CTNNA2: variants seen among roughly 807,000 people sequenced by gnomAD.
CTNNA2 encodes catenin alpha 2.
CTNNA2 carries 42 observed loss-of-function variants against 101.0 expected under a neutral mutation model. The ratio of observed to expected loss-of-function variants is 0.42; its 90% CI spans 0.32 to 0.54. The LOEUF is 0.54. Ranked by LOEUF, CTNNA2 falls within the 20% of genes least tolerant of loss-of-function variation. The pLI is 0.14. For synonymous variants in CTNNA2, 450 were observed against 456.4 expected (o/e 0.99, Z 0.18); for missense variants, 871 against 1,223.1 (o/e 0.71, Z 4.29).
rs954060382 is a variant in CTNNA2, at chr2:80,209,278, T to C, written c.1057-183933T>C. On this transcript the variant is annotated intron_variant, in intron 7 of 18. Coordinates refer to ENST00000402739, the MANE Select transcript of CTNNA2 (RefSeq NM_001282597.3). ...CTGCAGCGGCACGATCCTGGCTCACTGCAACCTCCGCCTCCCAGGTTGGAG... is the reference window on the plus strand; with the variant it reads ...CTGCAGCGGCACGATCCTGGCTCACCGCAACCTCCGCCTCCCAGGTTGGAG... 2.6e-5 allele frequency among the ~76,000 whole-genome samples: 4 copies of C among 151,606 alleles called. No homozygotes were observed. In the South Asian group the frequency reaches 8.4e-4, roughly 32 times the overall value.
At chr2:79,980,961 G>A (rs1691223307) in intron 7 of CTNNA2, among the ~76,000 whole-genome samples, 1 of 151,386 alleles carries the variant, frequency 6.6e-6, no homozygotes, top group African/African-American at 2.4e-5. Context: ...TGTCTTCCTC[G>A]ATATATTCTG....
intron 2 of CTNNA2, among the ~76,000 whole-genome samples, chr2:79,305,911 T>C (rs1360015229): frequency 5.3e-5 from 8 of 151,906 alleles, no homozygotes; most frequent in Non-Finnish European, 1.5e-5. Flanking sequence ...CTGGGCATGG[T>C]GGCGGGCACC....
chr2:79,897,971 G>A (rs1225774927), intron 6 of CTNNA2, among the ~76,000 whole-genome samples: 1 of 152,076 alleles, frequency 6.6e-6, no homozygotes, highest in East Asian at 1.9e-4. Flanking sequence ...AAAGGGAGGA[G>A]CCTTATGTCC....
chr2:79,461,437 T>G (rs1670876517), intron 4 of CTNNA2, among the ~76,000 whole-genome samples: 1 of 152,238 alleles, frequency 6.6e-6, no homozygotes, highest in African/African-American at 2.4e-5. Flanking sequence ...TTGACCTGGC[T>G]GGTATCAGAC....
intron 3 of CTNNA2, among the ~76,000 whole-genome samples, chr2:79,333,730 T>C (rs1676928747): frequency 6.6e-6 from 1 of 152,090 alleles, no homozygotes; most frequent in Non-Finnish European, 1.5e-5. Context: ...CTGATGAGTA[T>C]TAAAAACAGT....
At chr2:79,726,653 A>G (rs1686861112) in intron 2 of CTNNA2, among the ~76,000 whole-genome samples, 1 of 152,214 alleles carries the variant, frequency 6.6e-6, no homozygotes, top group Non-Finnish European at 1.5e-5. Flanking sequence ...CAGAAAGGTT[A>G]GGGACCGCTG....
chr2:79,446,764 G>A (rs761933910), intron 4 of CTNNA2, among the ~76,000 whole-genome samples: 2 of 152,048 alleles, frequency 1.3e-5, no homozygotes, highest in African/African-American at 2.4e-5. Flanking sequence ...CTATTGTGTT[G>A]TAGCTGGTAC....
intron 7 of CTNNA2, among the ~76,000 whole-genome samples, chr2:80,391,254 T>C (rs1437442971): frequency 6.6e-6 from 1 of 152,152 alleles, no homozygotes; most frequent in Non-Finnish European, 1.5e-5. Flanking sequence ...TTCACTCTGT[T>C]CACACCAGTC....
intron 7 of CTNNA2, among the ~76,000 whole-genome samples, chr2:80,104,677 G>A (rs1274599162): frequency 1.3e-5 from 2 of 152,206 alleles, no homozygotes; most frequent in African/African-American, 4.8e-5. Context: ...GAGATATGAT[G>A]TTGGTATGCA....
At chr2:79,267,885 T>C (rs1206166622) in intron 2 of CTNNA2, among the ~76,000 whole-genome samples, 2 of 152,100 alleles carry the variant, frequency 1.3e-5, no homozygotes, top group Non-Finnish European at 2.9e-5. Flanking sequence ...AGATGCCCTA[T>C]AGTATAGGAG....
intron 3 of CTNNA2, among the ~76,000 whole-genome samples, chr2:79,784,474 A>G (rs1227512538): frequency 2.0e-5 from 3 of 150,226 alleles, no homozygotes; most frequent in African/African-American, 4.9e-5. Flanking sequence ...CACATATCCA[A>G]CTGCCTACTA....
intron 8 of CTNNA2, among the ~76,000 whole-genome samples, chr2:80,401,828 C>T (rs1678577461): frequency 6.6e-6 from 1 of 152,080 alleles, no homozygotes; most frequent in Non-Finnish European, 1.5e-5. Flanking sequence ...GCCACACACT[C>T]TCCATAGCAC....
At chr2:79,657,951 C>T (rs1427665069) in intron 2 of CTNNA2, among the ~76,000 whole-genome samples, 1 of 151,144 alleles carries the variant, frequency 6.6e-6, no homozygotes, top group African/African-American at 2.4e-5. Flanking sequence ...CTAATAAAGC[C>T]CTCTTTGGGA....
At chr2:79,206,413 G>T (rs940221665) in intron 2 of CTNNA2, among the ~76,000 whole-genome samples, 9 of 152,082 alleles carry the variant, frequency 5.9e-5, no homozygotes, top group Admixed American at 3.9e-4. Flanking sequence ...AAGATAAAAA[G>T]GGCCAGTCCT....
intron 3 of CTNNA2, among the ~76,000 whole-genome samples, chr2:79,755,250 G>A (rs1034421506): frequency 6.6e-6 from 1 of 152,244 alleles, no homozygotes; most frequent in East Asian, 1.9e-4. Flanking sequence ...AGGATAGCTT[G>A]AGCCTAGGAG....
intron 4 of CTNNA2, among the ~76,000 whole-genome samples, chr2:79,470,709 C>T (rs1670988689): frequency 6.6e-6 from 1 of 152,144 alleles, no homozygotes; most frequent in Non-Finnish European, 1.5e-5. Context: ...CTGATGCAAC[C>T]GTTGCGTCCA....
intron 7 of CTNNA2, among the ~76,000 whole-genome samples, chr2:80,269,525 G>A (rs151284323): frequency 6.6e-6 from 1 of 151,924 alleles, no homozygotes; most frequent in African/African-American, 2.4e-5. Flanking sequence ...TAATTCATCG[G>A]TGCTCTTGCA....
At chr2:79,281,061 G>A (rs932496385) in intron 2 of CTNNA2, among the ~76,000 whole-genome samples, 2 of 151,874 alleles carry the variant, frequency 1.3e-5, no homozygotes, top group African/African-American at 4.8e-5. Context: ...ACATCCTTAT[G>A]GGGCTTCACC....
intron 3 of CTNNA2, among the ~76,000 whole-genome samples, chr2:79,331,523 C>T (rs752349912): frequency 6.6e-6 from 1 of 152,156 alleles, no homozygotes; most frequent in Non-Finnish European, 1.5e-5. Flanking sequence ...CAGAAAATTC[C>T]TTCAACTTTT....
Sources: gnomAD v4.1 joint callset for allele counts (sites outside exome capture counted in the v4.1 genomes callset) on GRCh38, gnomAD v4.1.1 for gene constraint, MANE v1.5 for transcripts, NCBI Gene and HGNC (gene_info 2026-07-23, HGNC 2026-07-21) for gene names.